The following CDH23 variants were observed in gnomAD, a reference collection of about 807,000 sequenced individuals.
CDH23 encodes the protein cadherin related 23, also known as cadherin-23.
CDH23 carries 189 observed loss-of-function variants against 317.1 expected under a neutral mutation model. The ratio of observed to expected loss-of-function variants is 0.60; its 90% CI spans 0.53 to 0.67. The LOEUF (loss-of-function observed/expected upper bound fraction) is 0.67, where lower values mean the gene tolerates loss of function less well. Ranked by LOEUF, CDH23 falls within the 30% of genes least tolerant of loss-of-function variation. The pLI, the probability that CDH23 is intolerant of heterozygous loss-of-function variation, is 0.00. For synonymous variants in CDH23, 1,839 were observed against 1,876.8 expected, an observed-to-expected ratio of 0.98 and a Z score of 0.52; for missense variants, 4,401 against 4,592.4, an observed-to-expected ratio of 0.96 and a Z score of 1.20.
intron 3 of CDH23, among the ~76,000 whole-genome samples, chr10:71,454,576 G>A (rs1191944526): frequency 2.6e-5 from 4 of 152,122 alleles, no homozygotes; most frequent in Non-Finnish European, 2.9e-5. Flanking sequence ...CTCATGGCAC[G>A]GGCAGCAGTG....
At chr10:71,589,376 C>T (rs541489347) in intron 9 of CDH23, among the ~76,000 whole-genome samples, 16 of 152,174 alleles carry the variant, frequency 1.1e-4, no homozygotes, top group Non-Finnish European at 2.1e-4. Flanking sequence ...CCTTGGCCTC[C>T]GAAAGTGCTG....
intron 38 of CDH23, chr10:71,755,193 C>A: frequency 1.4e-6 from 1 of 740,708 alleles, no homozygotes; most frequent in South Asian, 1.5e-5. Flanking sequence ...CCTCCTTTCT[C>A]TCGGCCATTT....
At chr10:71,808,715 A>G (rs1471182739) in intron 60 of CDH23, among the ~76,000 whole-genome samples, 1 of 151,538 alleles carries the variant, frequency 6.6e-6, no homozygotes, top group Non-Finnish European at 1.5e-5. Flanking sequence ...GTGGCCTGGC[A>G]TTCAAGGCTC....
At chr10:71,612,223 AAG>A (rs1860940024) in intron 9 of CDH23, among the ~76,000 whole-genome samples, 4 of 117,450 alleles carry the variant, frequency 3.4e-5, no homozygotes, top group African/African-American at 1.0e-4. Context: ...ATGTGTGAAA[AAG>A]AAGTGTGTGT....
chr10:71,489,958 G>T (rs201246477), intron 3 of CDH23, among the ~76,000 whole-genome samples: 6 of 152,030 alleles, frequency 3.9e-5, no homozygotes, highest in African/African-American at 1.4e-4. Context: ...GGCTTGTGTG[G>T]GGGTATGAAT....
intron 2 of CDH23, among the ~76,000 whole-genome samples, chr10:71,441,246 C>T (rs942471048): frequency 7.2e-5 from 11 of 152,086 alleles, no homozygotes; most frequent in East Asian, 3.9e-4. Context: ...CCCCTCACCC[C>T]GCTCCCCCCC....
chr10:71,789,360 C>A (rs1435803378), intron 45 of CDH23, among the ~76,000 whole-genome samples: 1 of 152,146 alleles, frequency 6.6e-6, no homozygotes, highest in Admixed American at 6.5e-5. Flanking sequence ...TGGGTCCACC[C>A]CTCACTGCTC....
intron 22 of CDH23, among the ~76,000 whole-genome samples, chr10:71,696,163 C>T (rs1865382265): frequency 6.6e-6 from 1 of 152,148 alleles, no homozygotes; most frequent in South Asian, 2.1e-4. Flanking sequence ...ACTGAGGAAG[C>T]CCAGGTCCCA....
rs1478908761 is a variant in CDH23, at chr10:71,793,645, A to G, written c.6712+5A>G. On this transcript the variant is annotated splice_donor_5th_base_variant and intron_variant, in intron 48 of 69. Coordinates refer to ENST00000224721, the MANE Select transcript of CDH23 (RefSeq NM_022124.6). The stretch of plus-strand genomic sequence containing the variant: ...TTGCTGTGAATATCAACACAGGTAC[A>G]AGGGCCTGCACCCCTCCCACCTCCC... 1 of 1,565,594 alleles carries G rather than the reference A, an allele frequency of 6.4e-7. No individual in the cohort carries two copies. Among genetic ancestry groups the G allele is most frequent in the East Asian group, 2.3e-5 (1 of 44,340 alleles).
intron 1 of CDH23, among the ~76,000 whole-genome samples, chr10:71,407,645 T>G (rs2131909918): frequency 6.6e-6 from 1 of 152,356 alleles, no homozygotes; most frequent in East Asian, 1.9e-4. Context: ...CTCTTGGGTA[T>G]TTCTGGCCGT....
intron 14 of CDH23, among the ~76,000 whole-genome samples, chr10:71,652,784 C>T (rs1223043894): frequency 6.6e-6 from 1 of 152,216 alleles, no homozygotes; most frequent in Non-Finnish European, 1.5e-5. Flanking sequence ...AAGGACACCA[C>T]CCTCAGAGCT....
chr10:71,603,868 G>A (rs948853368), intron 9 of CDH23, among the ~76,000 whole-genome samples: 3 of 152,196 alleles, frequency 2.0e-5, no homozygotes, highest in African/African-American at 7.2e-5. Context: ...TAGCAGTGCT[G>A]GCTTCACACG....
chr10:71,422,563 G>A (rs1314552443), intron 1 of CDH23, among the ~76,000 whole-genome samples: 1 of 152,246 alleles, frequency 6.6e-6, no homozygotes, highest in African/African-American at 2.4e-5. Flanking sequence ...GCATGCTGAG[G>A]ATCTCCAAGC....
Position 71,805,826 on chromosome 10 carries a change from C to A in CDH23, c.7893C>A (p.Asn2631Lys), listed in dbSNP as rs377121007. The change falls in exon 56 of 70, where the codon AAC becomes AAA. Residue 2631 changes from asparagine (N) to lysine (K), a missense_variant. Asn to Lys is a moderately conservative substitution (Grantham distance 94, BLOSUM62 0). Coordinates refer to ENST00000224721, the MANE Select transcript of CDH23 (RefSeq NM_022124.6). The stretch of plus-strand genomic sequence containing the variant: ...CACAGGAGATCCCGCTGCGCTCCAA[C>A]GTGTACGAGGTCTACGCCACGGACA... The part of the protein sequence containing the change: ...HIREEIPLRS[N>K]VYEVYATDKD... 6.2e-7 allele frequency: 1 copy of A among 1,613,566 alleles called. No homozygotes were observed. Among genetic ancestry groups the A allele is most frequent in the African/African-American group, 1.3e-5 (1 of 75,056 alleles).
chr10:71,641,368 G>A (rs1209450067), intron 11 of CDH23, among the ~76,000 whole-genome samples: 1 of 152,182 alleles, frequency 6.6e-6, no homozygotes, highest in Non-Finnish European at 1.5e-5. Context: ...GTGGCTGCAA[G>A]GCCACCTCCC....
chr10:71,530,171 G>C (rs953698656), intron 6 of CDH23, among the ~76,000 whole-genome samples: 1 of 152,142 alleles, frequency 6.6e-6, no homozygotes, highest in Non-Finnish European at 1.5e-5. Flanking sequence ...CTAGGAGCCC[G>C]GGCTGGTGCT....
At chr10:71,690,130 G>A (rs1180572393) in intron 19 of CDH23, among the ~76,000 whole-genome samples, 1 of 152,152 alleles carries the variant, frequency 6.6e-6, no homozygotes, top group South Asian at 2.1e-4. Context: ...TTGACTCCAA[G>A]TGACAGTTGG....
intron 3 of CDH23, among the ~76,000 whole-genome samples, chr10:71,494,457 C>T (rs780169405): frequency 5.9e-5 from 9 of 152,312 alleles, no homozygotes; most frequent in Non-Finnish European, 8.8e-5. Flanking sequence ...AATCCTGGCT[C>T]TACCTCTTCC....
chr10:71,546,711 C>T lies in CDH23; in HGVS notation c.430-20031C>T, dbSNP rs143285721. 1.9e-3 allele frequency among the ~76,000 whole-genome samples: 286 copies of T among 152,312 alleles called. 1 individual carries two copies. The Middle Eastern group carries it at 0.041, about 22-fold the overall frequency. On this transcript the variant is annotated intron_variant, in intron 6 of 69. Transcript: ENST00000224721. ...CAGACAGAACAGCATGAGCAAAGAT[C>T]CACAGGTACCAGATTCAGGCAGTGG...
Sources: allele counts gnomAD v4.1 joint callset (sites outside exome capture counted in the v4.1 genomes callset), GRCh38; gene constraint gnomAD v4.1.1; transcripts MANE v1.5; gene names NCBI Gene and HGNC (gene_info 2026-07-23, HGNC 2026-07-21).